The following GABRD variants were observed in gnomAD, a reference collection of about 807,000 sequenced individuals.
The protein encoded by GABRD is gamma-aminobutyric acid type A receptor subunit delta.
GABRD carries 25 observed loss-of-function variants against 47.3 expected under a neutral mutation model. That is an observed-to-expected ratio of 0.53 (90% CI 0.39 to 0.74). The LOEUF (loss-of-function observed/expected upper bound fraction) is 0.74. Ranked by LOEUF, GABRD falls within the 30% of genes least tolerant of loss-of-function variation. The pLI is 0.00. For missense variants in GABRD, 497 were observed against 643.4 expected (o/e 0.77, Z 2.46); for synonymous variants, 314 against 278.8 (o/e 1.13, Z -1.26).
chr1:2,024,957 C>G lies in GABRD; in HGVS notation c.84C>G (p.Ile28Met). ...QLRGTRAMND[I>M]GDYVGSNLEI... ...GCATCCCCAGAGCGATGAATGACAT[C>G]GGCGACTACGTGGGCTCCAACCTGG... Residue 28 changes from isoleucine (I) to methionine (M), a missense_variant, in exon 2 of 9, where the codon ATC becomes ATG. Physicochemically the swap from Ile to Met is conservative, Grantham distance 10 (BLOSUM62 1). Around this residue, in one of 3 missense-constraint regions of GABRD, gnomAD observed 91 missense variants for 85.5 expected, o/e 1.06. Coordinates refer to ENST00000378585, the MANE Select transcript of GABRD (RefSeq NM_000815.5). 6.2e-7 allele frequency: 1 copy of G among 1,612,266 alleles called. No homozygotes were observed.
At chr1:2,021,830 G>T (rs1658786091) in intron 1 of GABRD, among the ~76,000 whole-genome samples, 1 of 152,220 alleles carries the variant, frequency 6.6e-6, no homozygotes. Flanking sequence ...TGTGGGCTGG[G>T]TGTGCGCCGT....
chr1:2,027,982 AGCCCGAC>A (rs1658974605), intron 5 of GABRD, 166 bp from the exon 6 acceptor site: 1 of 693,124 alleles, frequency 1.4e-6, no homozygotes. Flanking sequence ...TGCCCGGAGG[AGCCCGAC>A]GTGGTCCCAG....
chr1:2,027,748 G>C (rs189758032), intron 5 of GABRD, 89 bp downstream of exon 5: 1 of 1,188,094 alleles, frequency 8.4e-7, no homozygotes, highest in Non-Finnish European at 1.2e-6. Flanking sequence ...AGGCTGGCCC[G>C]GCTCAGGATG....
chr1:2,025,661 G>T lies in GABRD; in HGVS notation c.393G>T (p.Ser131=). ...ACACCTTCATCGTGAACGCCAAGTC[G>T]GCCTGGTTCCACGACGTGACGGTGG... ...LPDTFIVNAK[S]AWFHDVTVEN... The change falls in exon 4 of 9, where the codon TCG becomes TCT. Residue 131 remains serine, a synonymous_variant. Transcript: ENST00000378585. The T allele has an allele frequency of 6.2e-7, 1 of 1,613,018 alleles. No individual in the cohort carries two copies. The highest frequency in any genetic ancestry group is 1.3e-5 in the African/African-American group (1 of 75,070).
chr1:2,019,620 T>A, intron 1 of GABRD, 129 bp downstream of exon 1: 1 of 418,300 alleles, frequency 2.4e-6, no homozygotes, highest in Non-Finnish European at 3.3e-6. Context: ...GAGCCCCGCG[T>A]CCTCCCTCCC....
Position 2,028,130 on chromosome 1 carries a change from G to A in GABRD, c.554-25G>A, listed in dbSNP as rs758511140. On this transcript the variant is annotated intron_variant, in intron 5 of 8. Transcript: ENST00000378585. This position sits in a 1 kb window ranked among gnomAD's most constrained non-coding sequence, Gnocchi z 6.4. The stretch of plus-strand genomic sequence containing the variant: ...TCCCGGGGCAGGGCCGGGCTCTGCC[G>A]CCCACCTGTGTGCTTTTCCTCCAGA... 144 of 1,597,278 alleles carry A rather than the reference G, an allele frequency of 9.0e-5. No homozygotes were observed. The highest frequency in any genetic ancestry group is 1.9e-4 in the Middle Eastern group (1 of 5,218).
chr1:2,030,097 A>G lies in GABRD; in HGVS notation c.1174A>G (p.Arg392Gly), dbSNP rs1553123940. Residue 392 changes from arginine (R) to glycine (G), a missense_variant, in exon 9 of 9, where the codon AGG becomes GGG. This residue lies in a region of GABRD where 121 missense variants were observed against 121.3 expected (regional missense o/e 1.00). Coordinates refer to ENST00000378585, the MANE Select transcript of GABRD (RefSeq NM_000815.5). ...RVPGNLMGSY[R>G]SVGVETGETK... is the part of the protein sequence containing the mutation. ...CCCGGGGAACCTGATGGGCTCCTAC[A>G]GGTCGGTGGGGGTGGAGACAGGGGA... The G allele has an allele frequency of 6.3e-7, 1 of 1,597,674 alleles. No individual in the cohort carries two copies. Among genetic ancestry groups the G allele is most frequent in the Non-Finnish European group, 8.5e-7 (1 of 1,171,908 alleles).
chr1:2,026,222 C>T (rs1180633486), intron 4 of GABRD, among the ~76,000 whole-genome samples: 2 of 152,204 alleles, frequency 1.3e-5, no homozygotes, highest in Non-Finnish European at 2.9e-5. Flanking sequence ...GAGACAGAAA[C>T]ATTTCATCGA....
chr1:2,019,532 T>TG, intron 1 of GABRD, 41 bp downstream of exon 1: 2 of 1,034,530 alleles, frequency 1.9e-6, no homozygotes, highest in Middle Eastern at 4.3e-4. Flanking sequence ...TCGGGGGCGG[T>TG]GGGGGGCCCG....
chr1:2,025,546 AGAGC>A lies in GABRD; in HGVS notation c.279_282del (p.Gln93HisfsTer34). The A allele has an allele frequency of 6.2e-7, 1 of 1,613,072 alleles. No individual in the cohort carries two copies. Among genetic ancestry groups the A allele is most frequent in the East Asian group, 2.2e-5 (1 of 44,886 alleles). ...TACACCATGACGGTGTTCCTGCACC[AGAGC>A]TGGCGGGACAGCAGGCTCTCCTACA... On this transcript the variant is annotated frameshift_variant, in exon 4 of 9. Coordinates refer to ENST00000378585, the MANE Select transcript of GABRD (RefSeq NM_000815.5). LOFTEE classifies it high-confidence loss of function.
intron 1 of GABRD, among the ~76,000 whole-genome samples, chr1:2,023,044 G>A (rs113104025): frequency 1.3e-5 from 2 of 152,282 alleles, no homozygotes; most frequent in African/African-American, 4.8e-5. Context: ...GGCCCAGGAC[G>A]CACCTGAGGA....
Position 2,030,159 on chromosome 1 carries a change from G to T in GABRD, c.1236G>T (p.Gln412His). The T allele has an allele frequency of 6.3e-7, 1 of 1,574,884 alleles. No homozygotes were observed. Among genetic ancestry groups the T allele is most frequent in the Non-Finnish European group, 8.6e-7 (1 of 1,159,046 alleles). ...KKEGAARSGGQGGIRARLRPI... is the reference protein window; with the variant it reads ...KKEGAARSGGHGGIRARLRPI... Reference sequence around the variant, plus strand: ...AGGGGGCAGCCCGCTCAGGAGGCCAGGGGGGCATCCGTGCCCGGCTCAGGC... The same window carrying T: ...AGGGGGCAGCCCGCTCAGGAGGCCATGGGGGCATCCGTGCCCGGCTCAGGC... Residue 412 changes from glutamine to histidine, a missense_variant, in exon 9 of 9, where the codon CAG becomes CAT. Physicochemically the swap from Gln to His is conservative, Grantham distance 24. Around this residue, in one of 3 missense-constraint regions of GABRD, gnomAD observed 121 missense variants for 121.3 expected, o/e 1.00. Transcript: ENST00000378585.
intron 1 of GABRD, 119 bp from the exon 2 acceptor site, chr1:2,024,823 T>G: frequency 1.4e-6 from 1 of 691,222 alleles, no homozygotes; most frequent in Non-Finnish European, 2.5e-6. Flanking sequence ...GCTCCCACAG[T>G]GGCCCCCCAT....
intron 1 of GABRD, among the ~76,000 whole-genome samples, chr1:2,020,594 G>A (rs1658746475): frequency 6.6e-6 from 1 of 152,204 alleles, no homozygotes; most frequent in South Asian, 2.1e-4. Context: ...CCCGTGTCCT[G>A]GGAAGAGCTT....
intron 1 of GABRD, among the ~76,000 whole-genome samples, chr1:2,021,389 G>A (rs1658773427): frequency 6.6e-6 from 1 of 152,036 alleles, no homozygotes; most frequent in South Asian, 2.1e-4. Flanking sequence ...TGTCCATGAA[G>A]GGCCTCTCTG....
At chr1:2,027,986 C>A in intron 5 of GABRD, 169 bp from the exon 6 acceptor site, 1 of 724,422 alleles carries the variant, frequency 1.4e-6, no homozygotes, top group Non-Finnish European at 2.2e-6. Flanking sequence ...CGGAGGAGCC[C>A]GACGTGGTCC....
chr1:2,028,053 G>A lies in GABRD; in HGVS notation c.554-102G>A, dbSNP rs972327436. On this transcript the variant is annotated intron_variant, in intron 5 of 8. Transcript: ENST00000378585. The surrounding 1 kb of genome is among the most constrained non-coding windows in gnomAD (Gnocchi z 6.4). ...GGTCCTGCTCGGTCCCCATCACGAT[G>A]GCGTCGGCCCCCTGCAGGCTTCCTG... The A allele has an allele frequency of 2.2e-6, 3 of 1,334,198 alleles. No individual in the cohort carries two copies. The highest frequency in any genetic ancestry group is 3.1e-6 in the Non-Finnish European group (3 of 974,548). 82.6% of individuals were successfully genotyped at this position (1,334,198 alleles called of 1,614,324 possible). A position where few individuals can be genotyped will look rare whatever the true frequency, so the allele number is the denominator to read the frequency against.
chr1:2,029,783 C>T, intron 8 of GABRD, 21 bp downstream of exon 8: 1 of 1,602,336 alleles, frequency 6.2e-7, no homozygotes, highest in African/African-American at 1.3e-5. Flanking sequence ...GGGGCCGAGC[C>T]AGGGACAGCA....
rs41306994 is a variant in GABRD, at chr1:2,025,866, G to T, written c.470+128G>T. The T allele has an allele frequency of 3.6e-3, 2,688 of 741,960 alleles. 13 individuals are homozygous for T. The highest frequency in any genetic ancestry group is 4.9e-3 in the Non-Finnish European group (2,213 of 453,160). The allele number at this position is 741,960 out of a possible 1,614,324, so 46.0% of individuals were successfully genotyped here. A position where few individuals can be genotyped will look rare whatever the true frequency, so the allele number is the denominator to read the frequency against. On this transcript the variant is annotated intron_variant, in intron 4 of 8. Transcript: ENST00000378585. ...CCGGGAGCTGGCGGGCGGGCGGAGG[G>T]GGGGGCAGAAGCTGCGCGGTTATTT...
Sources: gnomAD v4.1 joint callset for allele counts (sites outside exome capture counted in the v4.1 genomes callset) on GRCh38, gnomAD v4.1.1 for gene constraint, gnomAD v4.1.1 regional missense constraint, Gnocchi (gnomAD v3.1) non-coding constraint, MANE v1.5 for transcripts, NCBI Gene and HGNC (gene_info 2026-07-23, HGNC 2026-07-21) for gene names.